Variants in PHTF2 observed in about 807,000 individuals in gnomAD.
The protein encoded by PHTF2 is putative homeodomain transcription factor 2, also known as protein PHTF2.
Under a neutral mutation model 101.2 loss-of-function variants are expected in PHTF2, and 60 were observed. That is an observed-to-expected ratio of 0.59 (90% CI 0.48 to 0.73). PHTF2 has a LOEUF of 0.73. Ranked by LOEUF, PHTF2 falls within the 30% of genes least tolerant of loss-of-function variation. PHTF2 has a pLI of 0.00. For missense variants in PHTF2, 747 were observed against 908.7 expected (o/e 0.82, Z 2.29); for synonymous variants, 311 against 307.3 (o/e 1.01, Z -0.13).
intron 12 of PHTF2, among the ~76,000 whole-genome samples, chr7:77,931,635 T>C (rs1025312546): frequency 6.6e-6 from 1 of 152,332 alleles, no homozygotes; most frequent in South Asian, 2.1e-4. Flanking sequence ...GTACAGCTAC[T>C]TTGAAGAGCA....
At chr7:77,947,341 C>T (rs1030094655) in intron 16 of PHTF2, among the ~76,000 whole-genome samples, 16 of 152,092 alleles carry the variant, frequency 1.1e-4, no homozygotes, top group Non-Finnish European at 1.9e-4. Flanking sequence ...GTGGGCGGAT[C>T]ACCTGAGGTC....
exon 2 of PHTF2, chr7:77,840,270 C>A: frequency 6.2e-7 from 1 of 1,609,520 alleles, no homozygotes; most frequent in South Asian, 1.1e-5. Flanking sequence ...CGTCCAAAGT[C>A]ACAGATGCTA....
intron 1 of PHTF2, among the ~76,000 whole-genome samples, chr7:77,824,810 A>T (rs866198029): frequency 1.8e-4 from 27 of 150,752 alleles, no homozygotes; most frequent in Middle Eastern, 6.8e-3. Flanking sequence ...AGGTGGGAAG[A>T]TTGTTTGAGA....
chr7:77,915,287 C>T (rs933593766), intron 9 of PHTF2, among the ~76,000 whole-genome samples: 2 of 151,516 alleles, frequency 1.3e-5, no homozygotes, highest in South Asian at 2.1e-4. Flanking sequence ...GGTGCAATCT[C>T]GGCTCACTGC....
chr7:77,922,624 A>T, exon 11 of PHTF2: 1 of 1,604,892 alleles, frequency 6.2e-7, no homozygotes, highest in Non-Finnish European at 8.5e-7. Context: ...CCAACTTAGG[A>T]TACCCAAAGG....
intron 11 of PHTF2, among the ~76,000 whole-genome samples, chr7:77,925,531 CAG>C (rs1446620616): frequency 4.7e-5 from 4 of 85,552 alleles, no homozygotes; most frequent in Admixed American, 1.8e-4. Context: ...TTTTTTGAGA[CAG>C]AGTTTCACTC....
At chr7:77,867,184 C>G (rs535741473) in intron 3 of PHTF2, among the ~76,000 whole-genome samples, 5 of 152,238 alleles carry the variant, frequency 3.3e-5, no homozygotes, top group South Asian at 2.1e-4. Flanking sequence ...TAAATAAGCC[C>G]TGACAGCTTG....
intron 15 of PHTF2, among the ~76,000 whole-genome samples, chr7:77,941,719 A>C (rs2150976672): frequency 6.6e-6 from 1 of 152,238 alleles, no homozygotes; most frequent in African/African-American, 2.4e-5. Context: ...TGCCACCCTC[A>C]TTGAAACCAT....
chr7:77,853,296 C>A (rs1796910960), intron 2 of PHTF2, among the ~76,000 whole-genome samples: 1 of 151,844 alleles, frequency 6.6e-6, no homozygotes. Flanking sequence ...ACTGTATTTT[C>A]AAATAGTGTG....
chr7:77,946,713 T>C (rs1329781622), intron 16 of PHTF2, among the ~76,000 whole-genome samples: 1 of 152,214 alleles, frequency 6.6e-6, no homozygotes, highest in Non-Finnish European at 1.5e-5. Context: ...TCCTTTGAAG[T>C]AATATAAAAA....
chr7:77,855,040 T>C (rs942380364), intron 3 of PHTF2, among the ~76,000 whole-genome samples: 1 of 152,156 alleles, frequency 6.6e-6, no homozygotes, highest in Non-Finnish European at 1.5e-5. Context: ...AAGGAATCAC[T>C]CTTTGTAGCC....
chr7:77,861,484 A>G (rs549678682), intron 3 of PHTF2, among the ~76,000 whole-genome samples: 2 of 152,166 alleles, frequency 1.3e-5, no homozygotes, highest in Non-Finnish European at 2.9e-5. Context: ...TAGAGTAGAA[A>G]TGACCATTTT....
intron 3 of PHTF2, among the ~76,000 whole-genome samples, chr7:77,888,314 C>T (rs1344508933): frequency 6.6e-6 from 1 of 152,168 alleles, no homozygotes; most frequent in Non-Finnish European, 1.5e-5. Context: ...CGGGGTTTCA[C>T]CATGTTGGCC....
chr7:77,946,120 A>G (rs957213484), intron 16 of PHTF2, among the ~76,000 whole-genome samples: 1 of 152,216 alleles, frequency 6.6e-6, no homozygotes, highest in Non-Finnish European at 1.5e-5. Context: ...GGCCATGACT[A>G]TGATAGTTTG....
chr7:77,817,278 A>G (rs1584380244), intron 1 of PHTF2, among the ~76,000 whole-genome samples: 1 of 152,088 alleles, frequency 6.6e-6, no homozygotes, highest in Non-Finnish European at 1.5e-5. Flanking sequence ...ATGAGATGGT[A>G]TCTCATTATG....
intron 12 of PHTF2, among the ~76,000 whole-genome samples, chr7:77,932,854 A>G (rs982284672): frequency 2.6e-5 from 4 of 152,122 alleles, no homozygotes; most frequent in Non-Finnish European, 5.9e-5. Flanking sequence ...ATCTAGTTGC[A>G]TTATCTCATG....
At chr7:77,831,265 A>G (rs1795055907) in intron 1 of PHTF2, among the ~76,000 whole-genome samples, 1 of 152,258 alleles carries the variant, frequency 6.6e-6, no homozygotes, top group Non-Finnish European at 1.5e-5. Context: ...AGAAGCAATT[A>G]TGGAAGGCCA....
intron 2 of PHTF2, among the ~76,000 whole-genome samples, chr7:77,851,409 G>T (rs1796750728): frequency 6.6e-6 from 1 of 152,100 alleles, no homozygotes; most frequent in Admixed American, 6.6e-5. Context: ...GCTCATAGCA[G>T]TCTCTAATAA....
At chr7:77,944,804 C>T (rs181002788) in intron 16 of PHTF2, among the ~76,000 whole-genome samples, 96 of 152,304 alleles carry the variant, frequency 6.3e-4, no homozygotes, top group African/African-American at 2.3e-3. Flanking sequence ...TGAAAAAGAA[C>T]TTCAGACAAA....
Sources: gnomAD v4.1 joint callset for allele counts (sites outside exome capture counted in the v4.1 genomes callset) on GRCh38, gnomAD v4.1.1 for gene constraint, MANE v1.5 for transcripts, NCBI Gene and HGNC (gene_info 2026-07-23, HGNC 2026-07-21) for gene names.